KCNIP4: variants seen among roughly 807,000 people sequenced by gnomAD.
KCNIP4 encodes Kv channel-interacting protein 4.
In KCNIP4, 12 loss-of-function variants were observed where a neutral mutation model predicts 34.0. The observed-to-expected ratio is 0.35, with a 90% CI of 0.23 to 0.57. KCNIP4 has a LOEUF of 0.57. KCNIP4 is among the 20% of genes least tolerant of loss of function. KCNIP4 has a pLI of 0.83. For synonymous variants in KCNIP4, 124 were observed against 102.2 expected (o/e 1.21, Z -1.29); for missense variants, 238 against 311.7 (o/e 0.76, Z 1.78).
intron 1 of KCNIP4, among the ~76,000 whole-genome samples, chr4:21,087,145 A>AGT (rs753858012): frequency 0.055 from 3,869 of 70,224 alleles, 129 homozygotes; most frequent in East Asian, 0.25. Context: ...ACTGCTGGGT[A>AGT]ATGTGTGTGT....
intron 1 of KCNIP4, among the ~76,000 whole-genome samples, chr4:21,238,709 C>T (rs1444830369): frequency 1.5e-4 from 23 of 152,254 alleles, no homozygotes; most frequent in Middle Eastern, 6.8e-3. Flanking sequence ...CTACAAACCA[C>T]TGCTCAATGA....
intron 1 of KCNIP4, among the ~76,000 whole-genome samples, chr4:20,922,547 G>GTCTATCTA (rs1553916287): frequency 0.027 from 3,443 of 129,438 alleles, 106 homozygotes; most frequent in African/African-American, 0.07. Context: ...CTGTCTGTCT[G>GTCTATCTA]TCTATCTATC....
chr4:21,615,159 C>A (rs1744488002), intron 1 of KCNIP4, among the ~76,000 whole-genome samples: 1 of 151,852 alleles, frequency 6.6e-6, no homozygotes, highest in Non-Finnish European at 1.5e-5. Context: ...TCAGGAAAAT[C>A]TTTCAGTGAT....
intron 1 of KCNIP4, among the ~76,000 whole-genome samples, chr4:21,289,864 C>G (rs376982710): frequency 6.6e-6 from 1 of 152,190 alleles, no homozygotes; most frequent in African/African-American, 2.4e-5. Flanking sequence ...GACTCCCACT[C>G]TATACCCGCT....
chr4:21,204,896 A>G (rs972373124), intron 1 of KCNIP4, among the ~76,000 whole-genome samples: 4 of 152,218 alleles, frequency 2.6e-5, no homozygotes, highest in Non-Finnish European at 5.9e-5. Flanking sequence ...GAGCCTTTAT[A>G]TCAAGGGATT....
chr4:21,402,220 C>G (rs750812567), intron 1 of KCNIP4, among the ~76,000 whole-genome samples: 9 of 152,154 alleles, frequency 5.9e-5, no homozygotes, highest in Admixed American at 2.0e-4. Flanking sequence ...CTTCAATTTC[C>G]CCAAACCTTA....
intron 1 of KCNIP4, among the ~76,000 whole-genome samples, chr4:21,012,095 GT>G (rs1184853010): frequency 2.6e-5 from 4 of 152,192 alleles, no homozygotes; most frequent in African/African-American, 9.7e-5. Flanking sequence ...CAATTATATT[GT>G]TCCCATACAT....
chr4:21,250,212 A>C (rs1450807733), intron 1 of KCNIP4, among the ~76,000 whole-genome samples: 5 of 77,198 alleles, frequency 6.5e-5, no homozygotes, highest in African/African-American at 8.6e-5. Flanking sequence ...AGATCTTAGG[A>C]CTGTTAAAAA....
At chr4:20,834,004 A>T (rs968204434) in intron 3 of KCNIP4, among the ~76,000 whole-genome samples, 1 of 152,224 alleles carries the variant, frequency 6.6e-6, no homozygotes, top group Non-Finnish European at 1.5e-5. Flanking sequence ...CCAGGGCTGC[A>T]GATCTCGGGA....
At chr4:20,834,854 C>T (rs370108984) in intron 3 of KCNIP4, among the ~76,000 whole-genome samples, 22 of 152,180 alleles carry the variant, frequency 1.4e-4, no homozygotes, top group African/African-American at 4.1e-4. Context: ...AAGAGAGTTG[C>T]GCCATAGAGA....
intron 1 of KCNIP4, among the ~76,000 whole-genome samples, chr4:21,413,190 G>A (rs1263914006): frequency 6.6e-6 from 1 of 152,094 alleles, no homozygotes; most frequent in Non-Finnish European, 1.5e-5. Flanking sequence ...TAGACAAAGT[G>A]GCATTAGGGT....
intron 1 of KCNIP4, among the ~76,000 whole-genome samples, chr4:21,470,570 G>T (rs1209115902): frequency 6.6e-6 from 1 of 152,148 alleles, no homozygotes; most frequent in African/African-American, 2.4e-5. Context: ...ACTAGACATT[G>T]CTTCCTCTGC....
intron 1 of KCNIP4, among the ~76,000 whole-genome samples, chr4:21,831,612 C>A (rs1287952648): frequency 7.8e-6 from 1 of 127,900 alleles, no homozygotes; most frequent in African/African-American, 3.0e-5. Flanking sequence ...AAGAGAAAAT[C>A]TGAGCAGACC....
chr4:21,940,289 C>T (rs968678627), intron 1 of KCNIP4, among the ~76,000 whole-genome samples: 5 of 152,088 alleles, frequency 3.3e-5, no homozygotes, highest in African/African-American at 4.8e-5. Flanking sequence ...CTTCTCATAG[C>T]TTTATTCTAT....
At chr4:21,037,491 C>T (rs1200723231) in intron 1 of KCNIP4, among the ~76,000 whole-genome samples, 1 of 152,166 alleles carries the variant, frequency 6.6e-6, no homozygotes, top group Admixed American at 6.5e-5. Context: ...TGTCTATTTC[C>T]AGTATAGCAA....
At chr4:21,124,052 AAC>A (rs1750400098) in intron 1 of KCNIP4, among the ~76,000 whole-genome samples, 4 of 151,000 alleles carry the variant, frequency 2.6e-5, no homozygotes, top group African/African-American at 9.8e-5. Flanking sequence ...ACAAAAAAAA[AAC>A]AACAAAAAAA....
intron 1 of KCNIP4, among the ~76,000 whole-genome samples, chr4:21,295,447 A>C (rs1763782471): frequency 6.6e-6 from 1 of 152,100 alleles, no homozygotes. Context: ...AGTAAGTTCT[A>C]AAGTCCTTAT....
At chr4:21,243,122 C>T (rs1759976807) in intron 1 of KCNIP4, among the ~76,000 whole-genome samples, 1 of 151,956 alleles carries the variant, frequency 6.6e-6, no homozygotes, top group African/African-American at 2.4e-5. Context: ...TATAATTTCC[C>T]TCAAGGTTAT....
chr4:21,404,121 C>T (rs151051177), intron 1 of KCNIP4, among the ~76,000 whole-genome samples: 5 of 152,334 alleles, frequency 3.3e-5, no homozygotes, highest in Non-Finnish European at 5.9e-5. Flanking sequence ...ACAGTTTCCT[C>T]TGCCTGGGGG....
Sources: allele counts gnomAD v4.1 joint callset (sites outside exome capture counted in the v4.1 genomes callset), GRCh38; gene constraint gnomAD v4.1.1; transcripts MANE v1.5; gene names NCBI Gene and HGNC (gene_info 2026-07-23, HGNC 2026-07-21).